Variants in ADAMTS2 observed in about 807,000 individuals in gnomAD.
ADAMTS2 encodes the protein A disintegrin and metalloproteinase with thrombospondin motifs 2.
ADAMTS2 carries 50 observed loss-of-function variants against 123.0 expected under a neutral mutation model. The ratio of observed to expected loss-of-function variants is 0.41; its 90% CI spans 0.32 to 0.51. ADAMTS2 has a LOEUF of 0.51. Among genes scored for constraint, ADAMTS2 ranks in the 20% least tolerant of loss-of-function variants. The pLI is 0.35. For synonymous variants in ADAMTS2, 678 were observed against 695.4 expected (o/e 0.98, Z 0.39); for missense variants, 1,494 against 1,705.2 (o/e 0.88, Z 2.18).
rs560512301 is a variant in ADAMTS2 at position 179,220,845 on chromosome 5, T to G, written c.689-13130A>C. The stretch of plus-strand genomic sequence containing the variant: ...GTTCATGCAGGGTGGGCGTGGGCCC[T>G]GCAGGGGTGAGGTCCTGGTCCCCTG... On this transcript the variant is annotated intron_variant, in intron 3 of 21. Coordinates refer to ENST00000251582, the MANE Select transcript of ADAMTS2 (RefSeq NM_014244.5). Among the ~76,000 whole-genome samples the G allele has an allele frequency of 3.9e-5, 6 of 152,310 alleles. No homozygotes were observed. The South Asian group carries it at 1.2e-3, about 32-fold the overall frequency.
At chr5:179,302,303 A>T (rs1284827447) in intron 2 of ADAMTS2, among the ~76,000 whole-genome samples, 1 of 151,404 alleles carries the variant, frequency 6.6e-6, no homozygotes, top group Non-Finnish European at 1.5e-5. Context: ...CTACTAAAAA[A>T]ATATAAAACA....
Position 179,345,164 on chromosome 5 carries a change from G to T in ADAMTS2, c.139+26C>A, listed in dbSNP as rs1757904007. ...CAGGGCCAGGCCGGCGGGGGTCCCGGGGAGTAGGGGCCGGGCCGCACCTAC... is the reference window on the plus strand; with the variant it reads ...CAGGGCCAGGCCGGCGGGGGTCCCGTGGAGTAGGGGCCGGGCCGCACCTAC... On this transcript the variant is annotated intron_variant, in intron 1 of 21. Transcript: ENST00000251582. This position sits in a 1 kb window ranked among gnomAD's most constrained non-coding sequence, Gnocchi z 7.5. 3.3e-5 allele frequency: 36 copies of T among 1,090,850 alleles called. No individual in the cohort carries two copies. Among genetic ancestry groups the T allele is most frequent in the Non-Finnish European group, 4.0e-5 (36 of 899,744 alleles). The allele number at this position is 1,090,850 out of a possible 1,614,324, so 67.6% of individuals were successfully genotyped here. A position where few individuals can be genotyped will look rare whatever the true frequency, so the allele number is the denominator to read the frequency against.
chr5:179,270,253 A>G (rs1327338286), intron 3 of ADAMTS2, among the ~76,000 whole-genome samples: 1 of 152,110 alleles, frequency 6.6e-6, no homozygotes, highest in Non-Finnish European at 1.5e-5. Flanking sequence ...GGAAAACAGG[A>G]CATCCTGAAA....
intron 3 of ADAMTS2, among the ~76,000 whole-genome samples, chr5:179,220,169 AG>A (rs2113404041): frequency 6.6e-6 from 1 of 152,340 alleles, no homozygotes; most frequent in Non-Finnish European, 1.5e-5. Flanking sequence ...AGAGGCCGGC[AG>A]GTCTTTTATT....
rs965868144 is a variant in ADAMTS2, at chr5:179,234,511, G to GC, written c.689-26797dup. 2.7e-5 allele frequency among the ~76,000 whole-genome samples: 4 copies of GC among 148,540 alleles called. No individual in the cohort carries two copies. The highest frequency in any genetic ancestry group is 5.1e-5 in the African/African-American group (2 of 39,162). ...CATGACCATGGACCTGCTGACAGGT[G>GC]CCCCCCGACCCACCTCCAGCCTGCA... On this transcript the variant is annotated intron_variant, in intron 3 of 21. Transcript: ENST00000251582. This position sits in a 1 kb window ranked among gnomAD's most constrained non-coding sequence, Gnocchi z 4.7.
At chr5:179,279,954 T>C (rs1267306911) in intron 2 of ADAMTS2, among the ~76,000 whole-genome samples, 1 of 152,228 alleles carries the variant, frequency 6.6e-6, no homozygotes, top group African/African-American at 2.4e-5. Flanking sequence ...CTCTGTCTCA[T>C]GGGATCCTCG....
intron 7 of ADAMTS2, among the ~76,000 whole-genome samples, 185 bp downstream of exon 7, chr5:179,154,629 T>A (rs1051433060): frequency 6.6e-6 from 1 of 152,150 alleles, no homozygotes; most frequent in Non-Finnish European, 1.5e-5. Flanking sequence ...CCTCCTTCAA[T>A]TGGTTCCTTC....
At chr5:179,167,624 C>T (rs1377238304) in intron 5 of ADAMTS2, among the ~76,000 whole-genome samples, 1 of 152,200 alleles carries the variant, frequency 6.6e-6, no homozygotes, top group East Asian at 1.9e-4. Context: ...GCAAGGCGCA[C>T]TCAGCCAGCC....
intron 4 of ADAMTS2, among the ~76,000 whole-genome samples, chr5:179,193,829 C>T (rs1301140827): frequency 6.6e-6 from 1 of 152,172 alleles, no homozygotes; most frequent in Admixed American, 6.5e-5. Context: ...CAAGGAGACC[C>T]CTGGACTGGG....
At chr5:179,230,261 G>A (rs1158719641) in intron 3 of ADAMTS2, among the ~76,000 whole-genome samples, 1 of 152,210 alleles carries the variant, frequency 6.6e-6, no homozygotes, top group East Asian at 1.9e-4. Flanking sequence ...CGCAGAGGCA[G>A]AGGATGGGCA....
Position 179,247,765 on chromosome 5 carries a change from A to T in ADAMTS2, c.688+25146T>A, listed in dbSNP as rs1457328212. Reference sequence around the variant, plus strand: ...AAAAAAATACTGTCCTGCGGCTAAAAATTCCAACAAAACTATCCTTCAAAA... The same window carrying T: ...AAAAAAATACTGTCCTGCGGCTAAATATTCCAACAAAACTATCCTTCAAAA... On this transcript the variant is annotated intron_variant, in intron 3 of 21. Coordinates refer to ENST00000251582, the MANE Select transcript of ADAMTS2 (RefSeq NM_014244.5). Among the ~76,000 whole-genome samples the T allele has an allele frequency of 2.0e-5, 3 of 147,474 alleles. No individual in the cohort carries two copies. The East Asian group carries it at 6.1e-4, about 30-fold the overall frequency.
At chr5:179,294,678 G>A (rs461652) in intron 2 of ADAMTS2, among the ~76,000 whole-genome samples, 2 of 152,232 alleles carry the variant, frequency 1.3e-5, no homozygotes, top group African/African-American at 4.8e-5. Flanking sequence ...CCGCAGGGTG[G>A]CCCCTGCCCC....
intron 5 of ADAMTS2, among the ~76,000 whole-genome samples, chr5:179,167,129 C>A (rs986306486): frequency 1.4e-4 from 22 of 152,186 alleles, no homozygotes; most frequent in African/African-American, 5.3e-4. Flanking sequence ...CACACGACAC[C>A]TCGCTTCCAC....
Position 179,207,502 on chromosome 5 carries a change from A to ACCCCCCCCCCCCCCC in ADAMTS2, c.891+10_891+11insGGGGGGGGGGGGGGG. On this transcript the variant is annotated intron_variant, in intron 4 of 21. Transcript: ENST00000251582. Reference sequence around the variant, plus strand: ...CCCGCCCCACCCTGCCCCCTCAGCCACCCCACTCACAATGTTCATGAGTGT... The same window carrying ACCCCCCCCCCCCCCC: ...CCCGCCCCACCCTGCCCCCTCAGCCACCCCCCCCCCCCCCCCCCCACTCACAATGTTCATGAGTGT... 1 of 727,558 alleles carries ACCCCCCCCCCCCCCC rather than the reference A, an allele frequency of 1.4e-6. No individual in the cohort carries two copies. Among genetic ancestry groups the ACCCCCCCCCCCCCCC allele is most frequent in the Non-Finnish European group, 2.0e-6 (1 of 493,628 alleles). 45.1% of individuals were successfully genotyped at this position (727,558 alleles called of 1,614,324 possible). A position where few individuals can be genotyped will look rare whatever the true frequency, so the allele number is the denominator to read the frequency against.
At chr5:179,266,521 C>T (rs1561657969) in intron 3 of ADAMTS2, among the ~76,000 whole-genome samples, 2 of 152,146 alleles carry the variant, frequency 1.3e-5, no homozygotes, top group East Asian at 1.9e-4. Flanking sequence ...TGGGGCCTCC[C>T]GAAGGAACCA....
At chr5:179,187,836 A>G (rs1764211649) in intron 4 of ADAMTS2, among the ~76,000 whole-genome samples, 1 of 152,220 alleles carries the variant, frequency 6.6e-6, no homozygotes, top group African/African-American at 2.4e-5. Context: ...GGGGAAACAC[A>G]TTGTAATGCG....
At chr5:179,320,122 C>T (rs1366067319) in intron 2 of ADAMTS2, among the ~76,000 whole-genome samples, 2 of 152,238 alleles carry the variant, frequency 1.3e-5, no homozygotes, top group African/African-American at 4.8e-5. Context: ...CTGTCCCTGC[C>T]CTGCCTGGTG....
At chr5:179,151,978 C>T (rs945780023) in intron 10 of ADAMTS2, among the ~76,000 whole-genome samples, 164 bp downstream of exon 10, 11 of 152,106 alleles carry the variant, frequency 7.2e-5, no homozygotes, top group African/African-American at 1.9e-4. Context: ...GCAGCTCCGG[C>T]GTACAGCGTG....
At chr5:179,325,512 G>A (rs1202175029) in intron 2 of ADAMTS2, among the ~76,000 whole-genome samples, 1 of 152,218 alleles carries the variant, frequency 6.6e-6, no homozygotes, top group South Asian at 2.1e-4. Flanking sequence ...GAGGACAGAC[G>A]CCAGCCCTGG....
Sources: allele counts gnomAD v4.1 joint callset (sites outside exome capture counted in the v4.1 genomes callset), GRCh38; gene constraint gnomAD v4.1.1; non-coding constraint Gnocchi (gnomAD v3.1); transcripts MANE v1.5; gene names NCBI Gene and HGNC (gene_info 2026-07-23, HGNC 2026-07-21).